The following TTN variants were observed in gnomAD, a reference collection of about 807,000 sequenced individuals.
TTN encodes titin.
TTN carries 1,525 observed loss-of-function variants against 3,223.0 expected under a neutral mutation model. That is an observed-to-expected ratio of 0.47 (90% CI 0.45 to 0.49). The LOEUF is 0.49. Ranked by LOEUF, TTN falls within the 20% of genes least tolerant of loss-of-function variation. The pLI is 0.00. For missense variants in TTN, 40,786 were observed against 43,424.0 expected, an observed-to-expected ratio of 0.94 and a Z score of 5.40; for synonymous variants, 14,094 against 15,161.0, an observed-to-expected ratio of 0.93 and a Z score of 5.17.
chr2:178,764,719 G>A lies in TTN; in HGVS notation c.9796C>T (p.Pro3266Ser), dbSNP rs2090043271. Residue 3266 changes from proline (P) to serine (S), a missense_variant, in exon 42 of 363, where the codon CCA (proline) becomes TCA (serine). Coordinates refer to ENST00000589042, the MANE Select transcript of TTN (RefSeq NM_001267550.2). ...ARFCAVISGR[P>S]QPKISWYKEE... ...TTGTACCAGGAAATTTTGGGCTGTG[G>A]TCTTCCGGATATCACGGCACAGAAG... is the stretch of plus-strand genomic sequence containing the variant. 6.2e-7 allele frequency: 1 copy of A among 1,614,086 alleles called. No homozygotes were observed. The highest frequency in any genetic ancestry group is 1.3e-5 in the African/African-American group (1 of 75,010).
chr2:178,720,610 C>T lies in TTN; in HGVS notation c.23152G>A (p.Asp7718Asn). Residue 7718 changes from aspartate (D) to asparagine (N), a missense_variant, in exon 80 of 363, where the codon GAT becomes AAT. Physicochemically the swap from Asp to Asn is conservative, Grantham distance 23. Transcript: ENST00000589042. Reference protein sequence around the residue: ...PSPVGALKGSDVILQCEISGT... With the variant: ...PSPVGALKGSNVILQCEISGT... ...GAAATTTCACATTGGAGAATCACAT[C>T]AGAACCTTTAAGAGCTCCTACTGGA... 1 of 1,612,568 alleles carries T rather than the reference C, an allele frequency of 6.2e-7. No homozygotes were observed. Among genetic ancestry groups the T allele is most frequent in the African/African-American group, 1.3e-5 (1 of 74,892 alleles).
At chr2:178,613,384 T>C (rs1482080943) in intron 263 of TTN, 108 bp from the exon 264 acceptor site, 7 of 976,666 alleles carry the variant, frequency 7.2e-6, no homozygotes, top group Non-Finnish European at 1.0e-5. Flanking sequence ...AAAAGGTGAT[T>C]TGGAAATTTA....
chr2:178,715,858 C>A, intron 88 of TTN, 84 bp from the exon 89 acceptor site: 1 of 1,362,316 alleles, frequency 7.3e-7, no homozygotes, highest in Admixed American at 2.6e-5. Context: ...ATAATCTTTG[C>A]TAGAGAGGTC....
In TTN at chr2:178,557,821, CTT is replaced by C. The variant is rs1444995141; in HGVS notation, c.87531_87532del (p.Glu29179AsnfsTer8). ...AGTCCACACTGCAGTACTTGTTTCT[CTT>C]TTGAGTAGAATGTAGTTGGTAACTT... On this transcript the variant is annotated frameshift_variant, in exon 328 of 363. Transcript: ENST00000589042. LOFTEE classifies it high-confidence loss of function. 2 of 1,613,940 alleles carry C rather than the reference CTT, an allele frequency of 1.2e-6. No homozygotes were observed. The highest frequency in any genetic ancestry group is 3.3e-5 in the Admixed American group (2 of 60,020).
rs1698000478 is a variant in TTN at position 178,548,268 on chromosome 2, G to C, written c.93358C>G (p.Leu31120Val). Residue 31120 changes from leucine (L) to valine (V), a missense_variant, in exon 339 of 363, where the codon CTT becomes GTT. Coordinates refer to ENST00000589042, the MANE Select transcript of TTN (RefSeq NM_001267550.2). The surrounding 1 kb of genome is among the most constrained non-coding windows in gnomAD (Gnocchi z 4.3). ...ATEQPAPPRR[L>V]DVVDTSKSSA... ...GATTTGCTAGTATCAACAACATCAA[G>C]TCTCCTAGGTGGAGCAGGCTGTTCT... is the stretch of plus-strand genomic sequence containing the variant. 1 of 1,613,842 alleles carries C rather than the reference G, an allele frequency of 6.2e-7. No homozygotes were observed. The highest frequency in any genetic ancestry group is 1.3e-5 in the African/African-American group (1 of 75,026).
chr2:178,726,160 A>T, intron 69 of TTN, 114 bp from the exon 70 acceptor site: 1 of 1,229,408 alleles, frequency 8.1e-7, no homozygotes, highest in East Asian at 2.6e-5. Flanking sequence ...GGGTAAGTAG[A>T]GTCCAGCACT....
At chr2:178,714,215 A>T in intron 91 of TTN, 40 bp from the exon 92 acceptor site, 2 of 1,590,870 alleles carry the variant, frequency 1.3e-6, no homozygotes, top group Non-Finnish European at 1.7e-6. Context: ...TTTAAACTCA[A>T]ATTGAAAAAC....
Position 178,549,974 on chromosome 2 carries a change from T to G in TTN, c.91852+12A>C. 1.3e-6 allele frequency: 2 copies of G among 1,594,210 alleles called. No individual in the cohort carries two copies. The highest frequency in any genetic ancestry group is 1.7e-6 in the Non-Finnish European group (2 of 1,168,416). On this transcript the variant is annotated intron_variant, in intron 337 of 362. Coordinates refer to ENST00000589042, the MANE Select transcript of TTN (RefSeq NM_001267550.2). Reference sequence around the variant, plus strand: ...CATAAATTGTAGCATTAAGAAGCTATTTTAAAAGTACCTTGTACTTTCACT... The same window carrying G: ...CATAAATTGTAGCATTAAGAAGCTAGTTTAAAAGTACCTTGTACTTTCACT...
At position 178,799,532 on chromosome 2, in the gene TTN, G is replaced by A. The variant is rs749759581; in HGVS notation, c.869C>T (p.Pro290Leu). 1.2e-6 allele frequency: 2 copies of A among 1,614,104 alleles called. No individual in the cohort carries two copies. Among genetic ancestry groups the A allele is most frequent in the South Asian group, 2.2e-5 (2 of 91,090 alleles). ...TGCCCGCACGTGTCTGACCGGGGAAGGGGAGTGTCTTATGGGCGATGGGGA... is the reference window on the plus strand; with the variant it reads ...TGCCCGCACGTGTCTGACCGGGGAAAGGGAGTGTCTTATGGGCGATGGGGA... ...QQSPSPIRHS[P>L]SPVRHVRAPT... The change falls in exon 6 of 363, where the codon CCT (proline) becomes CTT (leucine). Residue 290 changes from proline (P) to leucine (L), a missense_variant. Coordinates refer to ENST00000589042, the MANE Select transcript of TTN (RefSeq NM_001267550.2).
chr2:178,531,951 G>A lies in TTN; in HGVS notation c.104664C>T (p.Ser34888=), dbSNP rs1365150853. The A allele has an allele frequency of 3.1e-6, 5 of 1,613,558 alleles. No homozygotes were observed. In the East Asian group the frequency reaches 1.1e-4, roughly 36 times the overall value. Residue 34888 remains serine, a synonymous_variant, in exon 358 of 363, where the codon AGC becomes AGT. Transcript: ENST00000589042. ...AGAGTGATCTCTCACTAGACACAGG[G>A]CTGGGGGATCGTGGGCGAGTTCTCT... ...TPERTRPRSP[S]PVSSERSLSR... is the part of the protein sequence containing the mutation.
At position 178,650,139 on chromosome 2, in the gene TTN, C is replaced by T. The variant is rs2062697518; in HGVS notation, c.39817+25G>A. 2.6e-6 allele frequency: 4 copies of T among 1,524,736 alleles called. No homozygotes were observed. The East Asian group carries it at 9.6e-5, about 36-fold the overall frequency. 94.5% of individuals were successfully genotyped at this position (1,524,736 alleles called of 1,614,324 possible). ...TGAAAAATGAAATGACTGTATTTTC[C>T]CATACAGTGGATTCTGCTTTGTACC... On this transcript the variant is annotated intron_variant, in intron 210 of 362. Transcript: ENST00000589042.
At chr2:178,615,828 A>C (rs1333015503) in intron 257 of TTN, 40 bp from the exon 258 acceptor site, 18 of 1,570,014 alleles carry the variant, frequency 1.1e-5, no homozygotes, top group Non-Finnish European at 1.5e-5. Flanking sequence ...ATTTCCAAAA[A>C]ACCCTTTCGC....
At chr2:178,805,987 T>A (rs1055801256) in intron 1 of TTN, among the ~76,000 whole-genome samples, 3 of 152,210 alleles carry the variant, frequency 2.0e-5, no homozygotes, top group Non-Finnish European at 4.4e-5. Flanking sequence ...TATTCTGTTC[T>A]GAAATAGAAC....
At position 178,529,201 on chromosome 2, in the gene TTN, G is replaced by C; in HGVS notation, c.106550C>G (p.Ala35517Gly). The C allele has an allele frequency of 6.7e-7, 1 of 1,491,836 alleles. No homozygotes were observed. Among genetic ancestry groups the C allele is most frequent in the East Asian group, 2.3e-5 (1 of 43,512 alleles). The allele number at this position is 1,491,836 out of a possible 1,614,324, so 92.4% of individuals were successfully genotyped here. ...AGTCTTTTGTGTAGAGACTTTCTGTGCCTCAGTATCTTTTATAGCTAAAAA... is the reference window on the plus strand; with the variant it reads ...AGTCTTTTGTGTAGAGACTTTCTGTCCCTCAGTATCTTTTATAGCTAAAAA... ...LTIKAIKDTE[A>G]QKVSTQKTSE... The change falls in exon 360 of 363, where the codon GCA (alanine) becomes GGA (glycine). Residue 35517 changes from alanine to glycine, a missense_variant. Transcript: ENST00000589042.
In TTN at chr2:178,614,943, C is replaced by G. The variant is rs2057033941; in HGVS notation, c.48664G>C (p.Gly16222Arg). Residue 16222 changes from glycine to arginine, a missense_variant, in exon 260 of 363, where the codon GGC becomes CGC. By Grantham distance (125) the Gly-to-Arg change is moderately radical. Transcript: ENST00000589042. ...TTCACGCGGTAGGCATACCATTTGCCTTCCTCAAGACCTGTCACTTCCATT... is the reference window on the plus strand; with the variant it reads ...TTCACGCGGTAGGCATACCATTTGCGTTCCTCAAGACCTGTCACTTCCATT... ...TKMEVTGLEE[G>R]KWYAYRVKAL... is the part of the protein sequence containing the mutation. 1.3e-6 allele frequency: 2 copies of G among 1,597,370 alleles called. No homozygotes were observed. Among genetic ancestry groups the G allele is most frequent in the South Asian group, 2.3e-5 (2 of 88,336 alleles).
rs1431446089 is a variant in TTN, at chr2:178,545,936, T to C, written c.95300A>G (p.Tyr31767Cys). 3 of 1,613,868 alleles carry C rather than the reference T, an allele frequency of 1.9e-6. No homozygotes were observed. Among genetic ancestry groups the C allele is most frequent in the Non-Finnish European group, 2.5e-6 (3 of 1,179,790 alleles). Residue 31767 changes from tyrosine (Y) to cysteine (C), a missense_variant, in exon 343 of 363, where the codon TAT (tyrosine) becomes TGT (cysteine). Tyr to Cys is a radical substitution (Grantham distance 194, BLOSUM62 -2). Coordinates refer to ENST00000589042, the MANE Select transcript of TTN (RefSeq NM_001267550.2). ...GTTCTTGATGAGCCTGGTAACGACA[T>C]AGGATAGGGTTGGGCATTCGCCTTC... The part of the protein sequence containing the change: ...IVEGECPTLS[Y>C]VVTRLIKNNE...
chr2:178,804,724 G>T, intron 1 of TTN, 69 bp from the exon 2 acceptor site: 4 of 1,397,494 alleles, frequency 2.9e-6, no homozygotes, highest in Non-Finnish European at 4.0e-6. Flanking sequence ...TTTGCAGATA[G>T]CAGAGACACA....
rs150954246 is a variant in TTN, at chr2:178,800,653, G to A, written c.325C>T (p.Arg109Ter). Residue 109 changes from arginine to a stop codon, truncating the protein, a stop_gained, in exon 4 of 363, where the codon CGA (arginine) becomes TGA (stop). Transcript: ENST00000589042. LOFTEE classifies it high-confidence loss of function. ...AETAPPNFVQ[R>*]LQSMTVRQGS... is the part of the protein sequence containing the mutation. ...TGTCTCACGGTCATGCTCTGCAGTC[G>A]TTGAACGAAGTTGGGTGGTGCTGTC... is the stretch of plus-strand genomic sequence containing the variant. The A allele has an allele frequency of 5.6e-6, 9 of 1,609,602 alleles. No individual in the cohort carries two copies. The highest frequency in any genetic ancestry group is 7.6e-6 in the Non-Finnish European group (9 of 1,177,658).
Position 178,773,258 on chromosome 2 carries a change from T to A in TTN, c.7706A>T (p.Asp2569Val). Residue 2569 changes from aspartate to valine, a missense_variant, in exon 33 of 363, where the codon GAC becomes GTC. Transcript: ENST00000589042. ...TTTAGAACTGGGCTTGATTTCCTTG[T>A]CCTTAAAATTCCACAGGACATCAAT... ...SGIDVLWNFKDKEIKPSSKYK... is the reference protein window; with the variant it reads ...SGIDVLWNFKVKEIKPSSKYK... The A allele has an allele frequency of 6.2e-7, 1 of 1,613,948 alleles. No homozygotes were observed. Among genetic ancestry groups the A allele is most frequent in the Non-Finnish European group, 8.5e-7 (1 of 1,179,958 alleles).
Sources: allele counts gnomAD v4.1 joint callset (sites outside exome capture counted in the v4.1 genomes callset), GRCh38; gene constraint gnomAD v4.1.1; non-coding constraint Gnocchi (gnomAD v3.1); transcripts MANE v1.5; gene names NCBI Gene and HGNC (gene_info 2026-07-23, HGNC 2026-07-21).